Variants in SHTN1 observed in about 807,000 individuals in gnomAD.
SHTN1 encodes shootin-1.
SHTN1 carries 42 observed loss-of-function variants against 83.1 expected under a neutral mutation model. The observed-to-expected ratio is 0.51, with a 90% CI of 0.39 to 0.65. The LOEUF (loss-of-function observed/expected upper bound fraction) is 0.65. Ranked by LOEUF, SHTN1 falls within the 30% of genes least tolerant of loss-of-function variation. The pLI, the probability that SHTN1 is intolerant of heterozygous loss-of-function variation, is 0.00. For synonymous variants in SHTN1, 224 were observed against 247.7 expected, an observed-to-expected ratio of 0.90 and a Z score of 0.90; for missense variants, 622 against 737.8, an observed-to-expected ratio of 0.84 and a Z score of 1.82.
intron 2 of SHTN1, among the ~76,000 whole-genome samples, chr10:117,047,982 TC>T (rs1235446434): frequency 5.9e-5 from 9 of 151,976 alleles, no homozygotes; most frequent in Non-Finnish European, 8.8e-5. Flanking sequence ...AGAGTTTCCT[TC>T]CCCAAATTAG....
intron 1 of SHTN1, among the ~76,000 whole-genome samples, chr10:117,103,527 T>TCCC (rs1853628071): frequency 1.0e-5 from 1 of 97,180 alleles, no homozygotes; most frequent in Non-Finnish European, 2.0e-5. Flanking sequence ...TCCCCTCCCC[T>TCCC]CTCTTTTTTT....
intron 1 of SHTN1, among the ~76,000 whole-genome samples, chr10:117,094,081 T>G (rs1418806545): frequency 5.9e-5 from 9 of 152,094 alleles, no homozygotes; most frequent in African/African-American, 2.2e-4. Flanking sequence ...CATAAACAAA[T>G]CACAGAGTAT....
At chr10:117,070,686 A>G (rs1485688935) in intron 1 of SHTN1, among the ~76,000 whole-genome samples, 2 of 150,680 alleles carry the variant, frequency 1.3e-5, no homozygotes, top group Non-Finnish European at 3.0e-5. Context: ...ACTTGCATCC[A>G]CTCAGGGTGC....
At chr10:117,038,245 A>G (rs1852530118) in intron 2 of SHTN1, among the ~76,000 whole-genome samples, 1 of 150,742 alleles carries the variant, frequency 6.6e-6, no homozygotes, top group African/African-American at 2.4e-5. Context: ...GGCTCAAGCG[A>G]TCCTCCCACC....
intron 1 of SHTN1, among the ~76,000 whole-genome samples, chr10:117,097,030 GACACACACACAC>G (rs5788209): frequency 3.4e-5 from 5 of 148,950 alleles, no homozygotes; most frequent in East Asian, 2.0e-4. Flanking sequence ...CACACACATA[GACACACACACAC>G]ACACACACAC....
intron 1 of SHTN1, among the ~76,000 whole-genome samples, chr10:116,983,136 C>G (rs747947890): frequency 6.6e-6 from 1 of 152,138 alleles, no homozygotes; most frequent in East Asian, 1.9e-4. Flanking sequence ...CAGCCGAGCA[C>G]TTACTGGCTA....
intron 1 of SHTN1, among the ~76,000 whole-genome samples, chr10:117,109,047 T>A (rs1055656864): frequency 2.0e-5 from 3 of 152,214 alleles, no homozygotes; most frequent in Non-Finnish European, 4.4e-5. Flanking sequence ...TTACAAGATC[T>A]ACCGGTGATA....
At chr10:116,969,656 G>A (rs766011617) in intron 2 of SHTN1, among the ~76,000 whole-genome samples, 1 of 152,128 alleles carries the variant, frequency 6.6e-6, no homozygotes, top group African/African-American at 2.4e-5. Context: ...ACTTTGGGAG[G>A]CAAGACCATA....
chr10:116,996,783 C>G (rs1034346546), intron 1 of SHTN1, among the ~76,000 whole-genome samples: 1 of 152,174 alleles, frequency 6.6e-6, no homozygotes, highest in Non-Finnish European at 1.5e-5. Flanking sequence ...GACTAAGAGA[C>G]TGACTCAATA....
intron 2 of SHTN1, chr10:116,973,982 T>A: frequency 8.3e-7 from 1 of 1,203,054 alleles, no homozygotes. Flanking sequence ...TACACTCTTA[T>A]CCCTAAAGAA....
At position 117,099,365 on chromosome 10, in the gene SHTN1, C is replaced by T. The variant is rs530871672; in HGVS notation, c.-189+26942G>A. Among the ~76,000 whole-genome samples the T allele has an allele frequency of 1.5e-4, 23 of 151,938 alleles. 1 individual carries two copies. The South Asian group carries it at 4.8e-3, about 32-fold the overall frequency. On this transcript the variant is annotated intron_variant, in intron 1 of 17. Coordinates refer to the SHTN1 transcript ENST00000392901. ...CTATATAACCAAAAAAAAACCAGTA[C>T]CCCAAAAACTATTGGAATAAAAAAA... is the stretch of plus-strand genomic sequence containing the variant.
At chr10:117,104,025 T>C (rs1853639502) in intron 1 of SHTN1, among the ~76,000 whole-genome samples, 1 of 152,198 alleles carries the variant, frequency 6.6e-6, no homozygotes, top group Non-Finnish European at 1.5e-5. Flanking sequence ...CCTTATGAAG[T>C]ATTATTGTCT....
At chr10:116,974,217 CTAGA>C (rs1850713871) in intron 2 of SHTN1, 1 of 813,752 alleles carries the variant, frequency 1.2e-6, no homozygotes, top group African/African-American at 1.8e-5. Flanking sequence ...CTCTTTGTTT[CTAGA>C]TAGATTGCTG....
At chr10:116,941,766 C>A (rs1238894539) in intron 8 of SHTN1, among the ~76,000 whole-genome samples, 1 of 152,154 alleles carries the variant, frequency 6.6e-6, no homozygotes, top group Non-Finnish European at 1.5e-5. Flanking sequence ...TTTATACAAT[C>A]CTTAAGCTCT....
At chr10:117,016,248 G>T (rs1852178598) in intron 2 of SHTN1, among the ~76,000 whole-genome samples, 1 of 152,140 alleles carries the variant, frequency 6.6e-6, no homozygotes, top group Non-Finnish European at 1.5e-5. Flanking sequence ...TAAGGTAGTT[G>T]TAGATGTTTG....
At chr10:116,913,223 C>G (rs764193556) in intron 13 of SHTN1, among the ~76,000 whole-genome samples, 5 of 152,262 alleles carry the variant, frequency 3.3e-5, no homozygotes, top group African/African-American at 4.8e-5. Context: ...CCATGCCACT[C>G]AGGCTGCCCT....
At chr10:117,018,133 A>G (rs181618205) in intron 2 of SHTN1, among the ~76,000 whole-genome samples, 21 of 152,332 alleles carry the variant, frequency 1.4e-4, no homozygotes, top group African/African-American at 4.8e-4. Context: ...TAGTGAAAAA[A>G]TGAGTAAAAT....
upstream of SHTN1, among the ~76,000 whole-genome samples, chr10:117,008,851 C>T (rs915802591): frequency 1.1e-4 from 16 of 152,206 alleles, 1 homozygote; most frequent in Non-Finnish European, 1.9e-4. Context: ...CTGTGGCTCA[C>T]GCCTGTAATC....
At chr10:117,045,938 G>A (rs1051332370) in intron 2 of SHTN1, among the ~76,000 whole-genome samples, 5 of 151,968 alleles carry the variant, frequency 3.3e-5, no homozygotes, top group African/African-American at 9.7e-5. Flanking sequence ...CTCTAAGAAG[G>A]TATCAAAAAA....
Sources: allele counts gnomAD v4.1 joint callset (sites outside exome capture counted in the v4.1 genomes callset), GRCh38; gene constraint gnomAD v4.1.1; transcripts MANE v1.5; gene names NCBI Gene and HGNC (gene_info 2026-07-23, HGNC 2026-07-21).